Variants in GRK2 observed in about 807,000 individuals in gnomAD.
GRK2 encodes G protein-coupled receptor kinase 2.
Under a neutral mutation model 97.8 loss-of-function variants are expected in GRK2, and 23 were observed. The observed-to-expected ratio is 0.24, with a 90% CI of 0.17 to 0.33. GRK2 has a LOEUF of 0.33. GRK2 is among the 10% of genes least tolerant of loss of function. The probability of loss-of-function intolerance (pLI) is 1.00; values close to 1 mark genes in which losing one functional copy is unlikely to be tolerated. For synonymous variants in GRK2, 425 were observed against 381.7 expected (o/e 1.11, Z -1.32); for missense variants, 633 against 956.9 (o/e 0.66, Z 4.47).
At chr11:67,272,420 C>T (rs1169652749) in intron 1 of GRK2, among the ~76,000 whole-genome samples, 2 of 152,168 alleles carry the variant, frequency 1.3e-5, no homozygotes, top group Non-Finnish European at 2.9e-5. Context: ...ACTTGTCACC[C>T]CCTCCTGTCC....
At position 67,277,365 on chromosome 11, in the gene GRK2, C is replaced by T; in HGVS notation, c.190+17C>T. On this transcript the variant is annotated intron_variant, in intron 2 of 20. Coordinates refer to ENST00000308595, the MANE Select transcript of GRK2 (RefSeq NM_001619.5). Reference sequence around the variant, plus strand: ...AGAAGCTGGGTGAGTATGGCAGTGGCTCTGCCAGCCACCGGACTTAACTTC... The same window carrying T: ...AGAAGCTGGGTGAGTATGGCAGTGGTTCTGCCAGCCACCGGACTTAACTTC... 1 of 1,610,342 alleles carries T rather than the reference C, an allele frequency of 6.2e-7. No individual in the cohort carries two copies. Among genetic ancestry groups the T allele is most frequent in the Non-Finnish European group, 8.5e-7 (1 of 1,177,316 alleles).
At chr11:67,274,519 TTTTGC>T (rs1283913571) in intron 1 of GRK2, among the ~76,000 whole-genome samples, 1 of 126,270 alleles carries the variant, frequency 7.9e-6, no homozygotes, top group Non-Finnish European at 1.7e-5. Context: ...TTTTTTTTTT[TTTTGC>T]TTTTTTTCAT....
chr11:67,281,190 C>A lies in GRK2; in HGVS notation c.647+6C>A. On this transcript the variant is annotated splice_donor_region_variant and intron_variant, in intron 8 of 20. Coordinates refer to ENST00000308595, the MANE Select transcript of GRK2 (RefSeq NM_001619.5). The surrounding 1 kb of genome is among the most constrained non-coding windows in gnomAD (Gnocchi z 5.7). ...AAGGCTGACACAGGCAAGATGTGAG[C>A]ACCCTGCTCGGCGCGGTGGGATACC... 1.2e-6 allele frequency: 2 copies of A among 1,610,710 alleles called. No individual in the cohort carries two copies. The highest frequency in any genetic ancestry group is 1.7e-6 in the Non-Finnish European group (2 of 1,178,220).
rs1860194180 is a variant in GRK2, at chr11:67,283,241, G to A, written c.1328+13G>A. 1.2e-6 allele frequency: 2 copies of A among 1,610,948 alleles called. No homozygotes were observed. Among genetic ancestry groups the A allele is most frequent in the Non-Finnish European group, 8.5e-7 (1 of 1,177,354 alleles). On this transcript the variant is annotated intron_variant, in intron 15 of 20. Coordinates refer to ENST00000308595, the MANE Select transcript of GRK2 (RefSeq NM_001619.5). Reference sequence around the variant, plus strand: ...GCCTGGGCCGAGGGTGAGTACCCTGGCGCCTTGGGCATGCTGCTGGCTGTG... The same window carrying A: ...GCCTGGGCCGAGGGTGAGTACCCTGACGCCTTGGGCATGCTGCTGGCTGTG...
rs942938424 is a variant in GRK2 at position 67,276,041 on chromosome 11, G to A, written c.114-1231G>A. Among the ~76,000 whole-genome samples, 39 of 152,226 alleles carry A rather than the reference G, an allele frequency of 2.6e-4. No individual in the cohort carries two copies. Among genetic ancestry groups the A allele is most frequent in the South Asian group, 1.2e-3 (6 of 4,832 alleles). On this transcript the variant is annotated intron_variant, in intron 1 of 20. Transcript: ENST00000308595. This position sits in a 1 kb window ranked among gnomAD's most constrained non-coding sequence, Gnocchi z 4.2. ...TGGGCTCCTAGGGGCAGGCAGGGCC[G>A]GGGTGCAGAAAGGCAGGGGCCATGG...
rs1314410483 is a variant in GRK2 at position 67,272,475 on chromosome 11, G to A, written c.114-4797G>A. On this transcript the variant is annotated intron_variant, in intron 1 of 20. Transcript: ENST00000308595. ...CCCCGAGCAGGAGACACCTAAGAGA[G>A]CCCAGGCCACAGAGGATGGCCTGGA... 2.0e-5 allele frequency among the ~76,000 whole-genome samples: 3 copies of A among 152,158 alleles called. No homozygotes were observed. In the East Asian group the frequency reaches 5.8e-4, roughly 29 times the overall value.
rs57767154 is a variant in GRK2 at position 67,274,495 on chromosome 11, C to CTTTTTTTTTTTTTTTTTT, written c.114-2767_114-2750dup. Among the ~76,000 whole-genome samples, 163 of 22,454 alleles carry CTTTTTTTTTTTTTTTTTT rather than the reference C, an allele frequency of 7.3e-3. 25 individuals carry two copies. The highest frequency in any genetic ancestry group is 0.011 in the Non-Finnish European group (116 of 10,612). 14.7% of individuals were successfully genotyped at this position (22,454 alleles called of 152,430 possible). A position where few individuals can be genotyped will look rare whatever the true frequency, so the allele number is the denominator to read the frequency against. ...TCGCTACCTTCCGCTTGACCAGCAC[C>CTTTTTTTTTTTTTTTTTT]TTTTTTTTTTTTTTTTTTTTTTTTT... On this transcript the variant is annotated intron_variant, in intron 1 of 20. Coordinates refer to ENST00000308595, the MANE Select transcript of GRK2 (RefSeq NM_001619.5).
chr11:67,267,749 G>A (rs768682970), intron 1 of GRK2, among the ~76,000 whole-genome samples: 10 of 152,238 alleles, frequency 6.6e-5, no homozygotes, highest in Admixed American at 3.9e-4. Context: ...GGCTGATAGA[G>A]TATCTCTCCA....
Position 67,283,180 on chromosome 11 carries a change from G to A in GRK2, c.1280G>A (p.Gly427Glu). ...CCTGAACTACGCTCCCTGCTGGAGG[G>A]GTTGCTGCAGAGGGATGTCAACCGG... Reference protein sequence around the residue: ...FSPELRSLLEGLLQRDVNRRL... With the variant: ...FSPELRSLLEELLQRDVNRRL... The change falls in exon 15 of 21, where the codon GGG becomes GAG. Residue 427 changes from glycine to glutamate, a missense_variant. Around this residue, in one of 4 missense-constraint regions of GRK2, gnomAD observed 68 missense variants for 71.0 expected, o/e 0.96. Transcript: ENST00000308595. 1 of 1,614,018 alleles carries A rather than the reference G, an allele frequency of 6.2e-7. No individual in the cohort carries two copies. The highest frequency in any genetic ancestry group is 1.3e-5 in the African/African-American group (1 of 75,050).
In GRK2 at chr11:67,282,554, A is replaced by G. The variant is rs2136503655; in HGVS notation, c.1160+12A>G. On this transcript the variant is annotated intron_variant, in intron 13 of 20. Transcript: ENST00000308595. The surrounding 1 kb of genome is among the most constrained non-coding windows in gnomAD (Gnocchi z 6.9). ...AAGTTGCTGCGGGGGTGAGTGGCCC[A>G]TCCCAGGTGGGCAGGTGGGTTGGGG... 1 of 1,612,034 alleles carries G rather than the reference A, an allele frequency of 6.2e-7. No individual in the cohort carries two copies. The highest frequency in any genetic ancestry group is 8.5e-7 in the Non-Finnish European group (1 of 1,178,916).
chr11:67,272,603 A>T (rs1475638450), intron 1 of GRK2, among the ~76,000 whole-genome samples: 1 of 152,140 alleles, frequency 6.6e-6, no homozygotes, highest in African/African-American at 2.4e-5. Flanking sequence ...GCAGCTGCTC[A>T]CTGTCTTGGG....
intron 1 of GRK2, among the ~76,000 whole-genome samples, chr11:67,273,507 C>T: frequency 6.6e-6 from 1 of 152,004 alleles, no homozygotes; most frequent in East Asian, 1.9e-4. Flanking sequence ...TGCTTGCCAC[C>T]CTGGCAGGAG....
chr11:67,283,775 T>TA lies in GRK2; in HGVS notation c.1395+4dup. 1 of 1,613,622 alleles carries TA rather than the reference T, an allele frequency of 6.2e-7. No individual in the cohort carries two copies. Among genetic ancestry groups the TA allele is most frequent in the South Asian group, 1.1e-5 (1 of 91,076 alleles). The stretch of plus-strand genomic sequence containing the variant: ...TGGCAGATGGTCTTCTTGCAGAAGG[T>TA]AACAGTCTGCGGCAGGGACTGGGGG... On this transcript the variant is annotated splice_region_variant and intron_variant, in intron 16 of 20. Transcript: ENST00000308595.
rs1277841517 is a variant in GRK2, at chr11:67,285,332, A to G, written c.1952A>G (p.Tyr651Cys). 6.2e-7 allele frequency: 1 copy of G among 1,610,012 alleles called. No homozygotes were observed. The highest frequency in any genetic ancestry group is 1.3e-5 in the African/African-American group (1 of 74,910). The change falls in exon 21 of 21, where the codon TAC becomes TGC. Residue 651 changes from tyrosine to cysteine, a missense_variant. By Grantham distance (194) the Tyr-to-Cys change is radical. Transcript: ENST00000308595. ...VQWKKELRDA[Y>C]REAQQLVQRV... is the part of the protein sequence containing the mutation. ...TGGAAGAAGGAGCTGCGCGACGCCTACCGCGAGGCCCAGCAGCTGGTGCAG... is the reference window on the plus strand; with the variant it reads ...TGGAAGAAGGAGCTGCGCGACGCCTGCCGCGAGGCCCAGCAGCTGGTGCAG...
chr11:67,270,902 G>GT (rs1235524302), intron 1 of GRK2: 3 of 152,240 alleles, frequency 2.0e-5, no homozygotes, highest in Non-Finnish European at 2.9e-5. Context: ...CCAGAATGAG[G>GT]TGTCCTATTA....
chr11:67,286,395 G>A lies in GRK2; in HGVS notation c.*945G>A, dbSNP rs945647618. ...CACCGCATGCCCCCTCGTGCCAGTC[G>A]CGCTGCCTGTGTGGTGTCGCGCCTT... On this transcript the variant is annotated 3_prime_UTR_variant, in exon 21 of 21. Transcript: ENST00000308595. 1.0e-5 allele frequency: 7 copies of A among 700,408 alleles called. No individual in the cohort carries two copies. The highest frequency in any genetic ancestry group is 5.4e-5 in the East Asian group (2 of 37,166). 43.4% of individuals were successfully genotyped at this position (700,408 alleles called of 1,614,324 possible). A position where few individuals can be genotyped will look rare whatever the true frequency, so the allele number is the denominator to read the frequency against.
chr11:67,273,696 A>G (rs185443797), intron 1 of GRK2, among the ~76,000 whole-genome samples: 3 of 152,316 alleles, frequency 2.0e-5, no homozygotes, highest in Admixed American at 2.0e-4. Context: ...TTTTATTTAA[A>G]AAACATTTTT....
Position 67,282,993 on chromosome 11 carries a change from C to A in GRK2, c.1228-135C>A. The stretch of plus-strand genomic sequence containing the variant: ...TCTCGCCCTCCCCGTGCTGTTGGAG[C>A]ATGACTGCTGGGCGAGCTAGGATGC... On this transcript the variant is annotated intron_variant, in intron 14 of 20. Coordinates refer to ENST00000308595, the MANE Select transcript of GRK2 (RefSeq NM_001619.5). This position sits in a 1 kb window ranked among gnomAD's most constrained non-coding sequence, Gnocchi z 6.9. 1 of 1,177,028 alleles carries A rather than the reference C, an allele frequency of 8.5e-7. No individual in the cohort carries two copies. Among genetic ancestry groups the A allele is most frequent in the Non-Finnish European group, 1.2e-6 (1 of 802,926 alleles). The allele number at this position is 1,177,028 out of a possible 1,614,324, so 72.9% of individuals were successfully genotyped here. A position where few individuals can be genotyped will look rare whatever the true frequency, so the allele number is the denominator to read the frequency against.
chr11:67,280,982 G>C (rs1296727881), intron 7 of GRK2, 111 bp from the exon 8 acceptor site: 2 of 1,152,722 alleles, frequency 1.7e-6, no homozygotes, highest in South Asian at 2.7e-5. Context: ...GGATGGCCAG[G>C]ACATGGGTAT....
Sources: gnomAD v4.1 joint callset for allele counts (sites outside exome capture counted in the v4.1 genomes callset) on GRCh38, gnomAD v4.1.1 for gene constraint, gnomAD v4.1.1 regional missense constraint, Gnocchi (gnomAD v3.1) non-coding constraint, MANE v1.5 for transcripts, NCBI Gene and HGNC (gene_info 2026-07-23, HGNC 2026-07-21) for gene names.